ATXN7L1: variants seen among roughly 807,000 people sequenced by gnomAD.
ATXN7L1 encodes ataxin 7 like 1, also known as ataxin-7-like protein 1.
ATXN7L1 carries 15 observed loss-of-function variants against 70.8 expected under a neutral mutation model. The observed-to-expected ratio is 0.21, with a 90% CI of 0.14 to 0.33. The LOEUF is 0.33. ATXN7L1 is among the 10% of genes least tolerant of loss of function. The pLI, the probability that ATXN7L1 is intolerant of heterozygous loss-of-function variation, is 1.00. For synonymous variants in ATXN7L1, 440 were observed against 445.1 expected, an observed-to-expected ratio of 0.99 and a Z score of 0.14; for missense variants, 975 against 1,097.1, an observed-to-expected ratio of 0.89 and a Z score of 1.57.
intron 3 of ATXN7L1, among the ~76,000 whole-genome samples, chr7:105,754,623 C>T (rs1373816231): frequency 6.6e-6 from 1 of 152,138 alleles, no homozygotes; most frequent in Non-Finnish European, 1.5e-5. Flanking sequence ...CTGCACCCAG[C>T]ATATTTTAAA....
chr7:105,852,866 AC>A (rs1248154494), intron 2 of ATXN7L1, among the ~76,000 whole-genome samples: 1 of 152,176 alleles, frequency 6.6e-6, no homozygotes, highest in Non-Finnish European at 1.5e-5. Flanking sequence ...ATATTATTTA[AC>A]CTTTGAAAGG....
chr7:105,800,152 G>A (rs1806601065), intron 2 of ATXN7L1, among the ~76,000 whole-genome samples: 1 of 152,102 alleles, frequency 6.6e-6, no homozygotes, highest in Admixed American at 6.5e-5. Flanking sequence ...TCAGCTAGAG[G>A]AGAAAAATCA....
chr7:105,693,539 C>T lies in ATXN7L1; in HGVS notation c.356-28251G>A, dbSNP rs552471539. Reference sequence around the variant, plus strand: ...GGTGGACTTAAATCTAATGCCCCATCCATCCATCCATCCATCCATCCATCC... The same window carrying T: ...GGTGGACTTAAATCTAATGCCCCATTCATCCATCCATCCATCCATCCATCC... On this transcript the variant is annotated intron_variant, in intron 3 of 11. Transcript: ENST00000419735. Among the ~76,000 whole-genome samples, 6 of 16,270 alleles carry T rather than the reference C, an allele frequency of 3.7e-4. No individual in the cohort carries two copies. In the South Asian group the frequency reaches 9.0e-3, roughly 24 times the overall value. The allele number at this position is 16,270 out of a possible 152,430, so 10.7% of individuals were successfully genotyped here. A position where few individuals can be genotyped will look rare whatever the true frequency, so the allele number is the denominator to read the frequency against.
rs568271689 is a variant in ATXN7L1 at position 105,614,609 on chromosome 7, G to A, written c.1725C>T (p.Ser575=). ...AAGCTGTGGTGTGGGACATGAGGGC[G>A]CTCGGGTCCGGCGATGTCACGAAAG... The part of the protein sequence containing the change: ...NAAFVTSPDP[S]ALMSHTTAFP... Residue 575 remains serine (S), a synonymous_variant, in exon 10 of 12, where the codon AGC becomes AGT. Coordinates refer to ENST00000419735, the MANE Select transcript of ATXN7L1 (RefSeq NM_020725.2). The surrounding 1 kb of genome is among the most constrained non-coding windows in gnomAD (Gnocchi z 4.3). 89 of 1,551,852 alleles carry A rather than the reference G, an allele frequency of 5.7e-5. No homozygotes were observed. In the East Asian group the frequency reaches 1.6e-3, roughly 28 times the overall value.
In ATXN7L1 at chr7:105,614,077, G is replaced by T. The variant is rs769368632; in HGVS notation, c.2257C>A (p.His753Asn). 2 of 1,551,750 alleles carry T rather than the reference G, an allele frequency of 1.3e-6. No individual in the cohort carries two copies. Among genetic ancestry groups the T allele is most frequent in the South Asian group, 2.4e-5 (2 of 84,062 alleles). The change falls in exon 10 of 12, where the codon CAC becomes AAC. Residue 753 changes from histidine (H) to asparagine (N), a missense_variant. Coordinates refer to ENST00000419735, the MANE Select transcript of ATXN7L1 (RefSeq NM_020725.2). This position sits in a 1 kb window ranked among gnomAD's most constrained non-coding sequence, Gnocchi z 4.3. The stretch of plus-strand genomic sequence containing the variant: ...GAGGCCAGAGAGAGGTCCCCTGCGT[G>T]GAGCGCAAGGGAGGGCACAGAGAGG... ...CPLSVPSLAL[H>N]AGDLSLASHN...
intron 7 of ATXN7L1, among the ~76,000 whole-genome samples, chr7:105,624,649 C>A (rs372679493): frequency 9.5e-3 from 1,089 of 114,830 alleles, no homozygotes; most frequent in Middle Eastern, 0.012. Flanking sequence ...GACTCTGTCT[C>A]AAAAAAAAAA....
intron 3 of ATXN7L1, among the ~76,000 whole-genome samples, chr7:105,731,756 A>AAGAAAAGAAAAGAAAAGAAAAG (rs1563046139): frequency 7.0e-6 from 1 of 142,594 alleles, no homozygotes; most frequent in Non-Finnish European, 1.5e-5. Flanking sequence ...TTAAAAAGAA[A>AAGAAAAGAAAAGAAAAGAAAAG]AGAAAAGAAA....
intron 7 of ATXN7L1, among the ~76,000 whole-genome samples, chr7:105,625,749 T>C (rs910366974): frequency 2.6e-5 from 4 of 152,196 alleles, no homozygotes; most frequent in Admixed American, 6.5e-5. Context: ...ACCTGCTTCC[T>C]AGGCAGTAAA....
At chr7:105,767,765 G>A (rs201070891) in intron 3 of ATXN7L1, among the ~76,000 whole-genome samples, 7 of 152,294 alleles carry the variant, frequency 4.6e-5, no homozygotes, top group African/African-American at 1.7e-4. Flanking sequence ...CCAGGGTCTG[G>A]CTCTTTCAGA....
At chr7:105,855,926 G>T (rs937670858) in intron 2 of ATXN7L1, among the ~76,000 whole-genome samples, 2 of 152,130 alleles carry the variant, frequency 1.3e-5, no homozygotes, top group African/African-American at 4.8e-5. Context: ...TCATATAAGG[G>T]ATAAGAATCC....
chr7:105,767,007 C>T (rs958683785), intron 3 of ATXN7L1, among the ~76,000 whole-genome samples: 18 of 152,158 alleles, frequency 1.2e-4, no homozygotes, highest in Admixed American at 1.2e-3. Flanking sequence ...GCAGATCTGC[C>T]CACACACTGC....
chr7:105,856,809 G>A (rs1294319957), intron 2 of ATXN7L1, among the ~76,000 whole-genome samples: 2 of 152,040 alleles, frequency 1.3e-5, no homozygotes, highest in Non-Finnish European at 2.9e-5. Context: ...GTGTATGTGT[G>A]TGTGTGTGTG....
chr7:105,624,193 G>A lies in ATXN7L1; in HGVS notation c.1277C>T (p.Pro426Leu). ...GCTGGCGAGGTCACCTCCAACCGGT[G>A]GGAGTGGGGGCTCTGGAGTGTGGCC... is the stretch of plus-strand genomic sequence containing the variant. ...HSGHTPEPPL[P>L]PVGGDLASRL... The change falls in exon 8 of 12, where the codon CCA (proline) becomes CTA (leucine). Residue 426 changes from proline to leucine, a missense_variant. Physicochemically the swap from Pro to Leu is moderately conservative, Grantham distance 98. This residue lies in a region of ATXN7L1 where 635 missense variants were observed against 699.4 expected (regional missense o/e 0.91). Transcript: ENST00000419735. 6.5e-7 allele frequency: 1 copy of A among 1,529,068 alleles called. No individual in the cohort carries two copies. Among genetic ancestry groups the A allele is most frequent in the Non-Finnish European group, 8.8e-7 (1 of 1,134,326 alleles). The allele number at this position is 1,529,068 out of a possible 1,614,324, so 94.7% of individuals were successfully genotyped here.
Position 105,614,992 on chromosome 7 carries a change from C to T in ATXN7L1, c.1518-176G>A, listed in dbSNP as rs1793658742. Among the ~76,000 whole-genome samples, 1 of 151,936 alleles carries T rather than the reference C, an allele frequency of 6.6e-6. No homozygotes were observed. The highest frequency in any genetic ancestry group is 2.4e-5 in the African/African-American group (1 of 41,326). On this transcript the variant is annotated intron_variant, in intron 9 of 11. Transcript: ENST00000419735. The surrounding 1 kb of genome is among the most constrained non-coding windows in gnomAD (Gnocchi z 4.3). ...GAAGCATGGCCCCTCCTTATGGCAC[C>T]CCCCATTGCAACATCCAGCAACCTA...
At chr7:105,841,333 A>T (rs573460482) in intron 2 of ATXN7L1, among the ~76,000 whole-genome samples, 1 of 152,328 alleles carries the variant, frequency 6.6e-6, no homozygotes, top group East Asian at 1.9e-4. Flanking sequence ...CATTTTCTCC[A>T]GCTGAAAAGT....
At chr7:105,762,808 C>T (rs184031794) in intron 3 of ATXN7L1, among the ~76,000 whole-genome samples, 77 of 152,320 alleles carry the variant, frequency 5.1e-4, no homozygotes, top group African/African-American at 1.8e-3. Context: ...CGTGTCCTTT[C>T]TGAGACTAGG....
intron 3 of ATXN7L1, among the ~76,000 whole-genome samples, chr7:105,733,878 CCATCATCCAT>C (rs1181693391): frequency 6.6e-5 from 9 of 136,884 alleles, no homozygotes; most frequent in Non-Finnish European, 1.5e-4. Context: ...ATCCATCCAT[CCATCATCCAT>C]CATCCATCCA....
At chr7:105,838,487 T>C (rs1563133924) in intron 2 of ATXN7L1, among the ~76,000 whole-genome samples, 1 of 152,204 alleles carries the variant, frequency 6.6e-6, no homozygotes, top group Non-Finnish European at 1.5e-5. Flanking sequence ...AGCTGCTGCA[T>C]AGGCCACACC....
intron 3 of ATXN7L1, among the ~76,000 whole-genome samples, chr7:105,682,225 A>G (rs1805641287): frequency 6.6e-6 from 1 of 151,746 alleles, no homozygotes; most frequent in Non-Finnish European, 1.5e-5. Flanking sequence ...CCCCGTCTCA[A>G]AACAAAAAAC....
Sources: gnomAD v4.1 joint callset for allele counts (sites outside exome capture counted in the v4.1 genomes callset) on GRCh38, gnomAD v4.1.1 for gene constraint, gnomAD v4.1.1 regional missense constraint, Gnocchi (gnomAD v3.1) non-coding constraint, MANE v1.5 for transcripts, NCBI Gene and HGNC (gene_info 2026-07-23, HGNC 2026-07-21) for gene names.